Variants in RTN1 observed in about 807,000 individuals in gnomAD.
RTN1 encodes the protein reticulon 1.
RTN1 carries 25 observed loss-of-function variants against 65.5 expected under a neutral mutation model. The ratio of observed to expected loss-of-function variants is 0.38; its 90% CI spans 0.28 to 0.53. RTN1 has a LOEUF of 0.53. RTN1 is among the 20% of genes least tolerant of loss of function. The pLI is 0.79. For synonymous variants in RTN1, 471 were observed against 447.6 expected (o/e 1.05, Z -0.66); for missense variants, 983 against 1,025.4 (o/e 0.96, Z 0.57).
chr14:59,695,759 A>G (rs1306365287), intron 3 of RTN1, among the ~76,000 whole-genome samples: 1 of 152,096 alleles, frequency 6.6e-6, no homozygotes, highest in Non-Finnish European at 1.5e-5. Flanking sequence ...TCCAATAAAT[A>G]TTATCTGACT....
intron 1 of RTN1, among the ~76,000 whole-genome samples, chr14:59,797,048 A>T (rs1886453347): frequency 6.6e-6 from 1 of 152,212 alleles, no homozygotes; most frequent in South Asian, 2.1e-4. Context: ...TTCCAAGTGG[A>T]TCACATGAAT....
At chr14:59,745,019 C>CA (rs1000672707) in intron 2 of RTN1, among the ~76,000 whole-genome samples, 1 of 152,120 alleles carries the variant, frequency 6.6e-6, no homozygotes, top group African/African-American at 2.4e-5. Flanking sequence ...TGGATTATCC[C>CA]ACTCATGGAT....
Position 59,696,629 on chromosome 14 carries a change from A to G in RTN1, c.1765+30290T>C, listed in dbSNP as rs535993707. Among the ~76,000 whole-genome samples, 77 of 152,236 alleles carry G rather than the reference A, an allele frequency of 5.1e-4. 4 individuals are homozygous for G. The South Asian group carries it at 0.016, about 32-fold the overall frequency. On this transcript the variant is annotated intron_variant, in intron 3 of 8. Transcript: ENST00000267484. ...ACAAATCCATTGTTGTCAGCAACAT[A>G]CTTCTAAATTTCTACCAAGGTGTGG...
intron 3 of RTN1, among the ~76,000 whole-genome samples, chr14:59,609,720 G>C (rs944968525): frequency 6.6e-6 from 1 of 152,162 alleles, no homozygotes; most frequent in African/African-American, 2.4e-5. Context: ...GTGCAGGGGA[G>C]GGGCAAATGG....
At chr14:59,812,693 G>C (rs1886750710) in intron 1 of RTN1, among the ~76,000 whole-genome samples, 1 of 152,158 alleles carries the variant, frequency 6.6e-6, no homozygotes, top group Admixed American at 6.5e-5. Flanking sequence ...GTATGAAAGT[G>C]TGCATAAGCA....
intron 3 of RTN1, among the ~76,000 whole-genome samples, chr14:59,698,203 T>C (rs1222810122): frequency 6.6e-6 from 1 of 152,156 alleles, no homozygotes; most frequent in South Asian, 2.1e-4. Flanking sequence ...GTTCATAAGA[T>C]TTTTAAAATA....
intron 1 of RTN1, among the ~76,000 whole-genome samples, chr14:59,793,255 C>CT (rs1886381638): frequency 6.6e-6 from 1 of 152,112 alleles, no homozygotes; most frequent in Admixed American, 6.6e-5. Context: ...AAAACTAACA[C>CT]TTTTTTCTAG....
rs1484812009 is a variant in RTN1 at position 59,596,693 on chromosome 14, G to A, written c.*52C>T. 5.2e-6 allele frequency: 7 copies of A among 1,338,184 alleles called. No individual in the cohort carries two copies. The allele number at this position is 1,338,184 out of a possible 1,614,324, so 82.9% of individuals were successfully genotyped here. On this transcript the variant is annotated 3_prime_UTR_variant, in exon 9 of 9. Coordinates refer to ENST00000267484, the MANE Select transcript of RTN1 (RefSeq NM_021136.3). Reference sequence around the variant, plus strand: ...TGCAGTAATGAGTAAGAAGAGAGCTGTTACCACTCCAGACATTCCTGTTTG... The same window carrying A: ...TGCAGTAATGAGTAAGAAGAGAGCTATTACCACTCCAGACATTCCTGTTTG...
At chr14:59,663,059 C>A (rs1374628244) in intron 3 of RTN1, among the ~76,000 whole-genome samples, 4 of 152,074 alleles carry the variant, frequency 2.6e-5, no homozygotes, top group Non-Finnish European at 4.4e-5. Flanking sequence ...GTACTGCTAC[C>A]AAAACAGATA....
intron 3 of RTN1, among the ~76,000 whole-genome samples, chr14:59,654,700 A>G (rs1300655708): frequency 4.6e-5 from 7 of 152,122 alleles, no homozygotes; most frequent in African/African-American, 1.2e-4. Flanking sequence ...AAGGACAAAA[A>G]CCATACAATT....
At chr14:59,672,637 T>TTC (rs1300787562) in intron 3 of RTN1, among the ~76,000 whole-genome samples, 1 of 120,752 alleles carries the variant, frequency 8.3e-6, no homozygotes. Context: ...TTTTTTTTTT[T>TTC]TTTTTTTTTT....
At chr14:59,633,213 T>C (rs1476706926) in intron 3 of RTN1, among the ~76,000 whole-genome samples, 7 of 152,194 alleles carry the variant, frequency 4.6e-5, no homozygotes, top group African/African-American at 1.2e-4. Context: ...AACAGTTTGA[T>C]AGTTGAAGGT....
At chr14:59,855,780 G>C (rs979932620) in intron 1 of RTN1, among the ~76,000 whole-genome samples, 2 of 152,160 alleles carry the variant, frequency 1.3e-5, no homozygotes, top group Non-Finnish European at 2.9e-5. Flanking sequence ...CACCACATTA[G>C]CTGGCAGGTG....
intron 1 of RTN1, among the ~76,000 whole-genome samples, chr14:59,855,058 T>A (rs1887579890): frequency 6.6e-6 from 1 of 152,240 alleles, no homozygotes; most frequent in Admixed American, 6.5e-5. Context: ...AGCCCCCATC[T>A]GGACCAATAT....
intron 3 of RTN1, among the ~76,000 whole-genome samples, chr14:59,715,825 C>G (rs1399014519): frequency 2.3e-5 from 2 of 88,418 alleles, no homozygotes; most frequent in Non-Finnish European, 5.5e-5. Context: ...GACTCCATCT[C>G]AAAAAAAAAA....
At chr14:59,818,932 T>C (rs1886871625) in intron 1 of RTN1, among the ~76,000 whole-genome samples, 1 of 152,240 alleles carries the variant, frequency 6.6e-6, no homozygotes, top group Non-Finnish European at 1.5e-5. Flanking sequence ...GACGCGGACC[T>C]TCGCGGTGAG....
At chr14:59,677,641 T>C (rs987571547) in intron 3 of RTN1, among the ~76,000 whole-genome samples, 5 of 152,194 alleles carry the variant, frequency 3.3e-5, no homozygotes, top group African/African-American at 4.8e-5. Flanking sequence ...AGGCGGGAGA[T>C]GCAAAGAACA....
intron 3 of RTN1, among the ~76,000 whole-genome samples, chr14:59,675,077 A>AC (rs397774772): frequency 2.6e-5 from 4 of 151,754 alleles, no homozygotes; most frequent in African/African-American, 7.3e-5. Flanking sequence ...ACACACACAC[A>AC]AACACACACA....
chr14:59,819,944 A>G (rs1886910024), intron 1 of RTN1, among the ~76,000 whole-genome samples: 1 of 152,182 alleles, frequency 6.6e-6, no homozygotes, highest in East Asian at 1.9e-4. Context: ...CCTCTCCGCA[A>G]GCAGAGGGAG....
Sources: allele counts gnomAD v4.1 joint callset (sites outside exome capture counted in the v4.1 genomes callset), GRCh38; gene constraint gnomAD v4.1.1; transcripts MANE v1.5; gene names NCBI Gene and HGNC (gene_info 2026-07-23, HGNC 2026-07-21).